Variants in EYA1 observed in about 807,000 individuals in gnomAD.
The protein encoded by EYA1 is EYA transcriptional coactivator and phosphatase 1.
Under a neutral mutation model 82.0 loss-of-function variants are expected in EYA1, and 16 were observed. The ratio of observed to expected loss-of-function variants is 0.20; its 90% confidence interval spans 0.13 to 0.30. The LOEUF (loss-of-function observed/expected upper bound fraction) is 0.30. EYA1 is among the 10% of genes least tolerant of loss of function. The pLI is 1.00. For synonymous variants in EYA1, 261 were observed against 264.4 expected, an observed-to-expected ratio of 0.99 and a Z score of 0.12; for missense variants, 633 against 730.7, an observed-to-expected ratio of 0.87 and a Z score of 1.54.
intron 2 of EYA1, among the ~76,000 whole-genome samples, chr8:71,389,216 T>G (rs1316030320): frequency 6.6e-6 from 1 of 152,176 alleles, no homozygotes; most frequent in African/African-American, 2.4e-5. Flanking sequence ...TCATTGTTTT[T>G]TTATTCCAAC....
chr8:71,239,494 T>C (rs1812220712), intron 12 of EYA1, among the ~76,000 whole-genome samples: 1 of 152,234 alleles, frequency 6.6e-6, no homozygotes, highest in South Asian at 2.1e-4. Flanking sequence ...GGATGTTTAC[T>C]AGGATTTAAA....
At chr8:71,277,117 T>G (rs7844628) in intron 9 of EYA1, among the ~76,000 whole-genome samples, 702 of 15,158 alleles carry the variant, frequency 0.046, 15 homozygotes, top group East Asian at 0.31. Flanking sequence ...CTTCACACAT[T>G]TTTTTTTTTT....
At position 71,253,438 on chromosome 8, in the gene EYA1, G is replaced by C. The variant is rs74369830; in HGVS notation, c.1051-8746C>G. Among the ~76,000 whole-genome samples, 1,193 of 152,284 alleles carry C rather than the reference G, an allele frequency of 7.8e-3. 9 individuals carry two copies. Among genetic ancestry groups the C allele is most frequent in the Non-Finnish European group, 0.013 (915 of 68,022 alleles). On this transcript the variant is annotated intron_variant, in intron 11 of 17. Transcript: ENST00000340726. ...ATCAAACTGATTATATAGGGGAAAGGTGGTCTATTCTTTGGCTCTCTGATG... is the reference window on the plus strand; with the variant it reads ...ATCAAACTGATTATATAGGGGAAAGCTGGTCTATTCTTTGGCTCTCTGATG...
chr8:71,406,180 T>A lies in EYA1; in HGVS notation c.34-49669A>T, dbSNP rs188266046. ...AACAATTAATTGCAATAAATGAAGA[T>A]AAAAGAGAGAGATGTAGGTAAGCAT... is the stretch of plus-strand genomic sequence containing the variant. On this transcript the variant is annotated intron_variant, in intron 2 of 18. Transcript: ENST00000643681. 8.1e-4 allele frequency among the ~76,000 whole-genome samples: 123 copies of A among 152,250 alleles called. 1 individual carries two copies. The highest frequency in any genetic ancestry group is 6.8e-3 in the Middle Eastern group (2 of 294).
chr8:71,388,988 C>G (rs1829122514), intron 2 of EYA1, among the ~76,000 whole-genome samples: 1 of 151,826 alleles, frequency 6.6e-6, no homozygotes, highest in Admixed American at 6.6e-5. Flanking sequence ...CTCTTCTGGG[C>G]CCCTCTCACC....
intron 2 of EYA1, among the ~76,000 whole-genome samples, chr8:71,355,512 T>C (rs1826774754): frequency 6.6e-6 from 1 of 152,202 alleles, no homozygotes; most frequent in African/African-American, 2.4e-5. Context: ...TGTTCCTCTG[T>C]TTCCCTTGAA....
At chr8:71,531,299 T>G (rs936890849) in intron 2 of EYA1, 3 of 152,236 alleles carry the variant, frequency 2.0e-5, no homozygotes, top group Non-Finnish European at 4.4e-5. Flanking sequence ...AAGGCAAATA[T>G]TATCATATCT....
At position 71,547,977 on chromosome 8, in the gene EYA1, T is replaced by G. The variant is rs560772452; in HGVS notation, c.-186A>C. The stretch of plus-strand genomic sequence containing the variant: ...CTAAGAGGGGTTCTGCCTCGGTGTT[T>G]AGGGCAAAAAACCCGGCTCCGGCTT... On this transcript the variant is annotated 5_prime_UTR_variant, in exon 1 of 19. Coordinates refer to the EYA1 transcript ENST00000643681. 2.6e-5 allele frequency: 4 copies of G among 152,256 alleles called. No homozygotes were observed. The South Asian group carries it at 6.2e-4, about 24-fold the overall frequency. The allele number at this position is 152,256 out of a possible 1,614,324, so 9.4% of individuals were successfully genotyped here.
chr8:71,353,039 C>T (rs1169830530), intron 3 of EYA1, among the ~76,000 whole-genome samples: 1 of 152,174 alleles, frequency 6.6e-6, no homozygotes, highest in African/African-American at 2.4e-5. Context: ...TATATGTACT[C>T]GTATATTCTA....
chr8:71,361,928 A>C lies in EYA1; in HGVS notation c.-336T>G, dbSNP rs1054027115. On this transcript the variant is annotated 5_prime_UTR_variant, in exon 1 of 18. Transcript: ENST00000340726. Reference sequence around the variant, plus strand: ...ACCCGCCACAGTGGACGGCAACAGGAAGGCTTAAAGTCGGAAGTGGCACTG... The same window carrying C: ...ACCCGCCACAGTGGACGGCAACAGGCAGGCTTAAAGTCGGAAGTGGCACTG... The C allele has an allele frequency of 1.6e-5, 16 of 985,208 alleles. No homozygotes were observed. Among genetic ancestry groups the C allele is most frequent in the Non-Finnish European group, 1.8e-5 (15 of 829,908 alleles). 61.0% of individuals were successfully genotyped at this position (985,208 alleles called of 1,614,324 possible). A position where few individuals can be genotyped will look rare whatever the true frequency, so the allele number is the denominator to read the frequency against.
intron 2 of EYA1, among the ~76,000 whole-genome samples, chr8:71,528,836 ATG>A (rs1814022183): frequency 6.6e-6 from 1 of 152,224 alleles, no homozygotes; most frequent in African/African-American, 2.4e-5. Flanking sequence ...TAATTTACAA[ATG>A]AGAAAGAACT....
intron 2 of EYA1, among the ~76,000 whole-genome samples, chr8:71,492,487 C>T (rs1422377491): frequency 2.1e-5 from 3 of 142,798 alleles, no homozygotes; most frequent in South Asian, 2.2e-4. Context: ...TTTTTTGAGA[C>T]GGAGTCTCGC....
intron 11 of EYA1, among the ~76,000 whole-genome samples, chr8:71,263,675 G>A (rs910030108): frequency 2.0e-5 from 3 of 152,206 alleles, no homozygotes; most frequent in African/African-American, 7.2e-5. Flanking sequence ...GCAGAGGCAG[G>A]CAGACAGCCT....
At chr8:71,270,152 A>C (rs1816341852) in intron 10 of EYA1, 1 of 244,036 alleles carries the variant, frequency 4.1e-6, no homozygotes, top group Non-Finnish European at 8.1e-6. Context: ...TCTGGTTATA[A>C]CTTGAGATAG....
intron 1 of EYA1, among the ~76,000 whole-genome samples, chr8:71,541,343 A>T (rs1480311468): frequency 6.6e-6 from 1 of 152,240 alleles, no homozygotes; most frequent in Non-Finnish European, 1.5e-5. Flanking sequence ...GGTACTGCTG[A>T]TTTAAAGTTT....
chr8:71,425,457 G>T (rs1401742457), intron 2 of EYA1, among the ~76,000 whole-genome samples: 1 of 151,908 alleles, frequency 6.6e-6, no homozygotes, highest in Non-Finnish European at 1.5e-5. Flanking sequence ...TTTTAACCAA[G>T]CCTATGAAAT....
chr8:71,282,624 T>G (rs1563393103), intron 9 of EYA1, among the ~76,000 whole-genome samples: 1 of 152,214 alleles, frequency 6.6e-6, no homozygotes, highest in Non-Finnish European at 1.5e-5. Flanking sequence ...TCCTCCTGAC[T>G]CCCTGGGTGC....
intron 2 of EYA1, among the ~76,000 whole-genome samples, chr8:71,457,978 C>T (rs1249484789): frequency 1.3e-5 from 2 of 152,120 alleles, no homozygotes; most frequent in African/African-American, 2.4e-5. Flanking sequence ...GGCTCCTATT[C>T]TGTTAAAGTT....
chr8:71,350,050 C>T (rs1826151954), intron 3 of EYA1, among the ~76,000 whole-genome samples: 1 of 152,108 alleles, frequency 6.6e-6, no homozygotes, highest in African/African-American at 2.4e-5. Context: ...TGGTTACAGA[C>T]AAACTAAAAA....
Sources: allele counts gnomAD v4.1 joint callset (sites outside exome capture counted in the v4.1 genomes callset), GRCh38; gene constraint gnomAD v4.1.1; transcripts MANE v1.5; gene names NCBI Gene and HGNC (gene_info 2026-07-23, HGNC 2026-07-21).